ZBTB16: variants seen among roughly 807,000 people sequenced by gnomAD.
The protein encoded by ZBTB16 is zinc finger and BTB domain-containing protein 16.
A neutral mutation model predicts 56.8 loss-of-function variants in ZBTB16; 8 were observed. The observed-to-expected ratio is 0.14, with a 90% CI of 0.08 to 0.25. The LOEUF (loss-of-function observed/expected upper bound fraction) is 0.25, where lower values mean the gene tolerates loss of function less well. Among genes scored for constraint, ZBTB16 ranks in the 10% least tolerant of loss-of-function variants. ZBTB16 has a pLI of 1.00. For missense variants in ZBTB16, 625 were observed against 903.0 expected (o/e 0.69, Z 3.95); for synonymous variants, 363 against 368.5 (o/e 0.98, Z 0.17).
chr11:114,238,375 A>G (rs1944637423), intron 4 of ZBTB16, among the ~76,000 whole-genome samples: 1 of 151,884 alleles, frequency 6.6e-6, no homozygotes, highest in Non-Finnish European at 1.5e-5. Context: ...GCAGACATGC[A>G]TTTCTCACAG....
chr11:114,196,227 G>A (rs755012655), intron 4 of ZBTB16, among the ~76,000 whole-genome samples: 60 of 152,282 alleles, frequency 3.9e-4, no homozygotes, highest in African/African-American at 1.1e-3. Flanking sequence ...GCCCTTCCAC[G>A]TCTTAAGAGG....
chr11:114,120,740 C>G (rs143621404), intron 2 of ZBTB16, among the ~76,000 whole-genome samples: 90 of 152,258 alleles, frequency 5.9e-4, no homozygotes, highest in African/African-American at 2.1e-3. Context: ...ACATTAGGGC[C>G]CATCGAGGGA....
rs562226303 is a variant in ZBTB16 at position 114,133,697 on chromosome 11, T to C, written c.1269-22640T>C. Reference sequence around the variant, plus strand: ...GGTTTACTAGATCAGGGACTTTAAGTAGAGGAAATGGGTCTCCTGGCAGGT... The same window carrying C: ...GGTTTACTAGATCAGGGACTTTAAGCAGAGGAAATGGGTCTCCTGGCAGGT... On this transcript the variant is annotated intron_variant, in intron 2 of 6. Coordinates refer to ENST00000335953, the MANE Select transcript of ZBTB16 (RefSeq NM_006006.6). Among the ~76,000 whole-genome samples, 7 of 152,086 alleles carry C rather than the reference T, an allele frequency of 4.6e-5. No individual in the cohort carries two copies. The South Asian group carries it at 1.5e-3, about 32-fold the overall frequency.
At chr11:114,096,091 A>G (rs1043548002) in intron 2 of ZBTB16, among the ~76,000 whole-genome samples, 9 of 152,244 alleles carry the variant, frequency 5.9e-5, no homozygotes, top group African/African-American at 9.6e-5. Context: ...AGTATAAAAG[A>G]AAAGTTTATT....
chr11:114,167,257 A>C (rs1405309644), intron 3 of ZBTB16, among the ~76,000 whole-genome samples: 2 of 39,642 alleles, frequency 5.0e-5, no homozygotes, highest in African/African-American at 1.3e-4. Context: ...TTTTTTTGAC[A>C]AGCTTGGTTT....
chr11:114,204,247 G>A (rs561442678), intron 4 of ZBTB16, among the ~76,000 whole-genome samples: 14 of 151,220 alleles, frequency 9.3e-5, no homozygotes, highest in East Asian at 2.0e-4. Flanking sequence ...TCTACCTTCC[G>A]GGTTCAAGCG....
At chr11:114,208,552 T>C (rs1467860838) in intron 4 of ZBTB16, among the ~76,000 whole-genome samples, 1 of 152,180 alleles carries the variant, frequency 6.6e-6, no homozygotes, top group African/African-American at 2.4e-5. Flanking sequence ...GTCATTGTGA[T>C]GTTTCCTCTT....
chr11:114,133,562 C>G (rs1246425129), intron 2 of ZBTB16, among the ~76,000 whole-genome samples: 1 of 152,236 alleles, frequency 6.6e-6, no homozygotes, highest in Non-Finnish European at 1.5e-5. Flanking sequence ...AGCCCTGGCA[C>G]AGAGCAGTCA....
At position 114,186,024 on chromosome 11, in the gene ZBTB16, G is replaced by C. The variant is rs187501318; in HGVS notation, c.1367-928G>C. ...ACAGTCCCTCCTCCAGGGAGCTTACGGTGTGGTGAGAGAGAAAGACAGGGC... is the reference window on the plus strand; with the variant it reads ...ACAGTCCCTCCTCCAGGGAGCTTACCGTGTGGTGAGAGAGAAAGACAGGGC... On this transcript the variant is annotated intron_variant, in intron 3 of 6. Coordinates refer to ENST00000335953, the MANE Select transcript of ZBTB16 (RefSeq NM_006006.6). Among the ~76,000 whole-genome samples the C allele has an allele frequency of 3.3e-5, 5 of 152,294 alleles. No individual in the cohort carries two copies. The East Asian group carries it at 5.8e-4, about 18-fold the overall frequency.
chr11:114,121,228 A>G (rs143413788), intron 2 of ZBTB16, among the ~76,000 whole-genome samples: 13 of 150,000 alleles, frequency 8.7e-5, no homozygotes, highest in Admixed American at 7.3e-4. Flanking sequence ...TGGTGTAGAT[A>G]CTCCCACCAT....
At chr11:114,167,316 T>A (rs1369720321) in intron 3 of ZBTB16, among the ~76,000 whole-genome samples, 2 of 140,402 alleles carry the variant, frequency 1.4e-5, no homozygotes. Context: ...GTTTTCTCTC[T>A]CTCTCTCTCT....
intron 2 of ZBTB16, among the ~76,000 whole-genome samples, chr11:114,104,147 A>G (rs1307472879): frequency 6.6e-6 from 1 of 152,206 alleles, no homozygotes; most frequent in Non-Finnish European, 1.5e-5. Context: ...TGGATTATGC[A>G]GAGTTTTAGA....
At position 114,175,327 on chromosome 11, in the gene ZBTB16, A is replaced by G. The variant is rs549861690; in HGVS notation, c.1367-11625A>G. 2.0e-5 allele frequency among the ~76,000 whole-genome samples: 3 copies of G among 152,376 alleles called. No individual in the cohort carries two copies. In the South Asian group the frequency reaches 6.2e-4, roughly 32 times the overall value. ...TGCTGCCATAGTGTTGACAGTCATC[A>G]CAATAAAAATACTAATAACATGTGT... On this transcript the variant is annotated intron_variant, in intron 3 of 6. Transcript: ENST00000335953.
At chr11:114,096,542 A>C (rs1940415934) in intron 2 of ZBTB16, among the ~76,000 whole-genome samples, 1 of 152,172 alleles carries the variant, frequency 6.6e-6, no homozygotes, top group East Asian at 1.9e-4. Context: ...GTGTCAAAAC[A>C]TATGCCTATG....
rs886655621 is a variant in ZBTB16 at position 114,143,906 on chromosome 11, T to A, written c.1269-12431T>A. Among the ~76,000 whole-genome samples the A allele has an allele frequency of 1.3e-5, 2 of 152,168 alleles. No homozygotes were observed. The highest frequency in any genetic ancestry group is 4.8e-5 in the African/African-American group (2 of 41,428). The stretch of plus-strand genomic sequence containing the variant: ...GTTTCCAGAGAGCCGCTGCTTGGCC[T>A]CTGTGCTCGTTGGGCCTCGAGTCAC... On this transcript the variant is annotated intron_variant, in intron 2 of 6. Transcript: ENST00000335953. This position sits in a 1 kb window ranked among gnomAD's most constrained non-coding sequence, Gnocchi z 6.4.
rs568997208 is a variant in ZBTB16 at position 114,242,251 on chromosome 11, C to A, written c.1538C>A (p.Ala513Glu). The change falls in exon 5 of 7, where the codon GCG (alanine) becomes GAG (glutamate). Residue 513 changes from alanine (A) to glutamate (E), a missense_variant. Coordinates refer to ENST00000335953, the MANE Select transcript of ZBTB16 (RefSeq NM_006006.6). The stretch of plus-strand genomic sequence containing the variant: ...CTGCAGCAGCACATGGAGGTCCACG[C>A]GGGCGTGCGCAGCTACATCTGCAGT... ...SALQQHMEVHAGVRSYICSEC... is the reference protein window; with the variant it reads ...SALQQHMEVHEGVRSYICSEC... 6.2e-7 allele frequency: 1 copy of A among 1,614,042 alleles called. No individual in the cohort carries two copies. Among genetic ancestry groups the A allele is most frequent in the East Asian group, 2.2e-5 (1 of 44,884 alleles).
intron 4 of ZBTB16, among the ~76,000 whole-genome samples, chr11:114,190,626 T>C (rs1399594984): frequency 6.6e-6 from 1 of 152,096 alleles, no homozygotes; most frequent in Non-Finnish European, 1.5e-5. Flanking sequence ...AAATGGTATG[T>C]GTATTAGGTC....
At chr11:114,225,310 A>G (rs1944307237) in intron 4 of ZBTB16, among the ~76,000 whole-genome samples, 2 of 152,194 alleles carry the variant, frequency 1.3e-5, no homozygotes. Flanking sequence ...GATGAAAGAC[A>G]TAGAGTGTTC....
intron 2 of ZBTB16, among the ~76,000 whole-genome samples, chr11:114,078,322 C>A (rs1204633449): frequency 6.6e-6 from 1 of 152,188 alleles, no homozygotes; most frequent in Non-Finnish European, 1.5e-5. Flanking sequence ...TCGTCTCCCA[C>A]CCCTACAAGT....
Sources: gnomAD v4.1 joint callset for allele counts (sites outside exome capture counted in the v4.1 genomes callset) on GRCh38, gnomAD v4.1.1 for gene constraint, Gnocchi (gnomAD v3.1) non-coding constraint, MANE v1.5 for transcripts, NCBI Gene and HGNC (gene_info 2026-07-23, HGNC 2026-07-21) for gene names.